ARL10: variants seen among roughly 807,000 people sequenced by gnomAD.
ARL10 encodes ARF like GTPase 10.
A neutral mutation model predicts 26.1 loss-of-function variants in ARL10; 23 were observed. The observed-to-expected ratio is 0.88, with a 90% confidence interval of 0.63 to 1.25. The LOEUF is 1.25. ARL10 is among the 50% of genes most tolerant of loss of function. The pLI, the probability that ARL10 is intolerant of heterozygous loss-of-function variation, is 0.00. For missense variants in ARL10, 300 were observed against 323.6 expected (o/e 0.93, Z 0.56); for synonymous variants, 138 against 149.1 (o/e 0.93, Z 0.54).
chr5:176,413,475 C>G, the ARL10 span, among the ~76,000 whole-genome samples: 1 of 152,224 alleles, frequency 6.6e-6, no homozygotes, highest in Non-Finnish European at 1.5e-5. Context: ...ACAGATCCAG[C>G]CAGAGAGGAG....
Position 176,368,404 on chromosome 5 carries a change from G to T in ARL10, c.386-403G>T, listed in dbSNP as rs1258710980. Among the ~76,000 whole-genome samples, 1 of 152,044 alleles carries T rather than the reference G, an allele frequency of 6.6e-6. No homozygotes were observed. The highest frequency in any genetic ancestry group is 1.5e-5 in the Non-Finnish European group (1 of 68,000). The stretch of plus-strand genomic sequence containing the variant: ...CAAGAGGCAAAGCCAGACAACCCAG[G>T]GGAGAGAACTGAAGACTTCCATTTA... On this transcript the variant is annotated intron_variant, in intron 2 of 3. Coordinates refer to ENST00000310389, the MANE Select transcript of ARL10 (RefSeq NM_173664.6). The surrounding 1 kb of genome is among the most constrained non-coding windows in gnomAD (Gnocchi z 4.1).
At chr5:176,384,378 AGAG>A, downstream of ARL10, 1 of 1,610,182 alleles carries the variant, frequency 6.2e-7, no homozygotes, top group South Asian at 1.1e-5. Context: ...CCATGGCCTA[AGAG>A]GAGAAGGGCT....
rs1768708137 is a variant in ARL10 at position 176,377,134 on chromosome 5, A to T, written c.*5239A>T. On this transcript the variant is annotated 3_prime_UTR_variant, in exon 4 of 4. Transcript: ENST00000310389. The surrounding 1 kb of genome is among the most constrained non-coding windows in gnomAD (Gnocchi z 4.5). ...CAATCTGTGTCTGTCGTAGGAATGGATCTGATCTGCTGACCAAAGGCAATG... is the reference window on the plus strand; with the variant it reads ...CAATCTGTGTCTGTCGTAGGAATGGTTCTGATCTGCTGACCAAAGGCAATG... The T allele has an allele frequency of 6.6e-6, 1 of 152,350 alleles. No individual in the cohort carries two copies. Among genetic ancestry groups the T allele is most frequent in the Non-Finnish European group, 1.5e-5 (1 of 68,046 alleles). The allele number at this position is 152,350 out of a possible 1,614,324, so 9.4% of individuals were successfully genotyped here. A position where few individuals can be genotyped will look rare whatever the true frequency, so the allele number is the denominator to read the frequency against.
intron 1 of ARL10, chr5:176,388,102 TCTGA>T (rs1756031571): frequency 1.5e-6 from 1 of 653,244 alleles, no homozygotes; most frequent in African/African-American, 1.8e-5. Context: ...AGTTGAGCGT[TCTGA>T]CTGTGGGGAG....
the ARL10 span, among the ~76,000 whole-genome samples, chr5:176,411,951 C>T: frequency 1.9e-4 from 29 of 151,846 alleles, no homozygotes; most frequent in Non-Finnish European, 3.4e-4. Context: ...CTGAGGTGGG[C>T]AGATCACGAA....
At chr5:176,367,820 CCT>C (rs775736278) in intron 2 of ARL10, 1 of 499,356 alleles carries the variant, frequency 2.0e-6, no homozygotes, top group Non-Finnish European at 3.9e-6. Flanking sequence ...AGCCACTTTC[CCT>C]TTTTTCTGTT....
rs576598642 is a variant in ARL10 at position 176,396,826 on chromosome 5, C to T, written c.134-4915C>T. Reference sequence around the variant, plus strand: ...CCATGTCACTGCCCAACTCATCAGCCAAGGCCCTTACAGTGTGAGTCCACA... The same window carrying T: ...CCATGTCACTGCCCAACTCATCAGCTAAGGCCCTTACAGTGTGAGTCCACA... On this transcript the variant is annotated intron_variant, in intron 1 of 1. Coordinates refer to the ARL10 transcript ENST00000514533. Among the ~76,000 whole-genome samples, 4 of 152,304 alleles carry T rather than the reference C, an allele frequency of 2.6e-5. No individual in the cohort carries two copies. In the East Asian group the frequency reaches 7.7e-4, roughly 29 times the overall value.
At position 176,368,855 on chromosome 5, in the gene ARL10, A is replaced by AGGTGGATGTGCTGGTGTTTGT. The variant is rs1410354695; in HGVS notation, c.441_461dup (p.Val148_Asp154dup). ...TTCTACTGGAAGGAGTTTGTGAGCG[A>AGGTGGATGTGCTGGTGTTTGT]GGTGGATGTGCTGGTGTTTGTGGTG... On this transcript the variant is annotated inframe_insertion, in exon 3 of 4. Coordinates refer to ENST00000310389, the MANE Select transcript of ARL10 (RefSeq NM_173664.6). This position sits in a 1 kb window ranked among gnomAD's most constrained non-coding sequence, Gnocchi z 4.1. The AGGTGGATGTGCTGGTGTTTGT allele has an allele frequency of 3.1e-6, 5 of 1,614,102 alleles. No individual in the cohort carries two copies. In the Admixed American group the frequency reaches 8.3e-5, roughly 27 times the overall value.
At position 176,366,456 on chromosome 5, in the gene ARL10, G is replaced by A. The variant is rs761690928; in HGVS notation, c.260G>A (p.Gly87Asp). The A allele has an allele frequency of 2.5e-6, 4 of 1,613,730 alleles. No homozygotes were observed. Among genetic ancestry groups the A allele is most frequent in the Non-Finnish European group, 3.4e-6 (4 of 1,179,998 alleles). The change falls in exon 2 of 4, where the codon GGC becomes GAC. Residue 87 changes from glycine to aspartate, a missense_variant. Coordinates refer to ENST00000310389, the MANE Select transcript of ARL10 (RefSeq NM_173664.6). ...GAGGTGCTGGTGCTGGGGCTGGATG[G>A]CGCAGGCAAGAGCACGTTCCTGCGC... ...QREVLVLGLD[G>D]AGKSTFLRVL... is the part of the protein sequence containing the mutation.
chr5:176,384,508 C>G, downstream of ARL10: 4 of 836,972 alleles, frequency 4.8e-6, no homozygotes, highest in South Asian at 6.9e-5. Flanking sequence ...TGTGGTGCAC[C>G]GGGCACAGTG....
the ARL10 span, among the ~76,000 whole-genome samples, chr5:176,409,708 C>T: frequency 6.6e-6 from 1 of 152,122 alleles, no homozygotes; most frequent in Non-Finnish European, 1.5e-5. Context: ...GCCACTGCAC[C>T]CGGCCCTGAT....
downstream of ARL10, among the ~76,000 whole-genome samples, chr5:176,382,236 C>A (rs1305633889): frequency 6.6e-6 from 1 of 152,210 alleles, no homozygotes; most frequent in Non-Finnish European, 1.5e-5. Flanking sequence ...GATTCAGGAG[C>A]CACAATCACC....
At chr5:176,397,506 TTCATGTCCCCATGG>T in intron 1 of ARL10, 2 of 39,834 alleles carry the variant, frequency 5.0e-5, no homozygotes, top group African/African-American at 5.0e-4. Flanking sequence ...TCCCCACCCC[TTCATGTCCCCATGG>T]CCCCCTCATG....
chr5:176,385,296 C>G (rs1013152581), downstream of ARL10: 10 of 1,612,798 alleles, frequency 6.2e-6, no homozygotes, highest in Admixed American at 8.3e-5. Context: ...TATTTCCTTT[C>G]TTTTCTGGAA....
At chr5:176,394,599 C>G (rs563456515) in intron 1 of ARL10, among the ~76,000 whole-genome samples, 1 of 147,550 alleles carries the variant, frequency 6.8e-6, no homozygotes, top group Non-Finnish European at 1.5e-5. Flanking sequence ...GGGCGGATCA[C>G]GAGGTCAGAT....
chr5:176,368,992 G>A lies in ARL10; in HGVS notation c.561+10G>A. On this transcript the variant is annotated intron_variant, in intron 3 of 3. Transcript: ENST00000310389. The surrounding 1 kb of genome is among the most constrained non-coding windows in gnomAD (Gnocchi z 4.1). ...GGTGGCCAACAAGCAGGTGAGGGCT[G>A]TGAGAGGGCAGCTCGGTCCAGGTGA... is the stretch of plus-strand genomic sequence containing the variant. 1 of 1,613,680 alleles carries A rather than the reference G, an allele frequency of 6.2e-7. No homozygotes were observed. Among genetic ancestry groups the A allele is most frequent in the Non-Finnish European group, 8.5e-7 (1 of 1,179,954 alleles).
At position 176,375,771 on chromosome 5, in the gene ARL10, G is replaced by C. The variant is rs1242531190; in HGVS notation, c.*3876G>C. ...CACAGCTCCTAAACAAGGTCCAGTG[G>C]GCAACTTATTTTTATGTGGTCCCTT... On this transcript the variant is annotated 3_prime_UTR_variant, in exon 4 of 4. Coordinates refer to ENST00000310389, the MANE Select transcript of ARL10 (RefSeq NM_173664.6). The C allele has an allele frequency of 6.6e-6, 1 of 152,146 alleles. No homozygotes were observed. The highest frequency in any genetic ancestry group is 1.5e-5 in the Non-Finnish European group (1 of 68,016). 9.4% of individuals were successfully genotyped at this position (152,146 alleles called of 1,614,324 possible).
chr5:176,410,955 C>T, the ARL10 span, among the ~76,000 whole-genome samples: 1 of 152,228 alleles, frequency 6.6e-6, no homozygotes. Flanking sequence ...GGGGCTTCTG[C>T]TACAACACTG....
the ARL10 span, among the ~76,000 whole-genome samples, chr5:176,411,805 AC>A: frequency 3.3e-5 from 5 of 151,752 alleles, no homozygotes; most frequent in Non-Finnish European, 7.4e-5. Flanking sequence ...CATCCCACAA[AC>A]CCTAAATTCT....
Sources: gnomAD v4.1 joint callset for allele counts (sites outside exome capture counted in the v4.1 genomes callset) on GRCh38, gnomAD v4.1.1 for gene constraint, Gnocchi (gnomAD v3.1) non-coding constraint, MANE v1.5 for transcripts, NCBI Gene and HGNC (gene_info 2026-07-23, HGNC 2026-07-21) for gene names.